SAMMSON: variants seen among roughly 807,000 people sequenced by gnomAD.
SAMMSON encodes the protein survival associated mitochondrial melanoma specific oncogenic non-coding RNA.
intron 4 of SAMMSON, among the ~76,000 whole-genome samples, chr3:70,223,281 T>C (rs1216134046): frequency 6.6e-6 from 1 of 152,102 alleles, no homozygotes; most frequent in Non-Finnish European, 1.5e-5. Context: ...TTAGCCAAGG[T>C]CACACAGTCA....
intron 4 of SAMMSON, among the ~76,000 whole-genome samples, chr3:70,190,947 C>T (rs1468258548): frequency 2.6e-5 from 4 of 152,186 alleles, no homozygotes; most frequent in Non-Finnish European, 5.9e-5. Context: ...TGCCTTCATC[C>T]CTGATTTCAG....
At chr3:70,151,033 T>C (rs1454790505) in intron 4 of SAMMSON, among the ~76,000 whole-genome samples, 1 of 152,022 alleles carries the variant, frequency 6.6e-6, no homozygotes, top group Non-Finnish European at 1.5e-5. Flanking sequence ...TTAAAATATG[T>C]ATTGTTTACA....
At chr3:70,047,106 G>GA (rs1218888626) in intron 3 of SAMMSON, among the ~76,000 whole-genome samples, 10 of 152,086 alleles carry the variant, frequency 6.6e-5, no homozygotes, top group African/African-American at 1.9e-4. Context: ...CTCACAGAAA[G>GA]ATAAAGAATG....
intron 3 of SAMMSON, chr3:70,030,755 G>C (rs920745177): frequency 6.6e-6 from 1 of 152,078 alleles, no homozygotes; most frequent in African/African-American, 2.4e-5. Context: ...TTGTCCATAG[G>C]ATATATACAG....
At chr3:70,066,080 T>C (rs1239920203) in intron 3 of SAMMSON, among the ~76,000 whole-genome samples, 3 of 152,130 alleles carry the variant, frequency 2.0e-5, no homozygotes, top group African/African-American at 4.8e-5. Flanking sequence ...TGGACATCTG[T>C]TGCAGTATTG....
At chr3:70,220,358 G>T (rs1701451641) in intron 4 of SAMMSON, among the ~76,000 whole-genome samples, 1 of 152,040 alleles carries the variant, frequency 6.6e-6, no homozygotes. Flanking sequence ...TTGGCTCCAG[G>T]AGTTTGAAGC....
chr3:70,411,313 A>G (rs1488306372), intron 2 of SAMMSON, among the ~76,000 whole-genome samples: 2 of 152,342 alleles, frequency 1.3e-5, no homozygotes, highest in East Asian at 3.9e-4. Flanking sequence ...TAAGGATTTT[A>G]AATAAGTGAA....
intron 6 of SAMMSON, among the ~76,000 whole-genome samples, chr3:70,254,315 C>A (rs1241394506): frequency 6.6e-6 from 1 of 152,110 alleles, no homozygotes; most frequent in African/African-American, 2.4e-5. Context: ...ATCTCAACCC[C>A]AAACATTCTA....
At chr3:70,070,718 G>C (rs2067226393) in intron 3 of SAMMSON, among the ~76,000 whole-genome samples, 1 of 151,914 alleles carries the variant, frequency 6.6e-6, no homozygotes, top group African/African-American at 2.4e-5. Context: ...GCAGTGATAG[G>C]CTCTTGATTT....
chr3:70,172,257 G>A (rs1195180080), intron 4 of SAMMSON: 1 of 142,322 alleles, frequency 7.0e-6, no homozygotes, highest in African/African-American at 2.6e-5. Context: ...TTGTTATTTT[G>A]TTTCATTAGT....
At chr3:70,317,392 T>C (rs1702502346) in intron 7 of SAMMSON, among the ~76,000 whole-genome samples, 1 of 151,944 alleles carries the variant, frequency 6.6e-6, no homozygotes, top group African/African-American at 2.4e-5. Flanking sequence ...AATAAAGTAT[T>C]TTTAATTAAG....
intron 7 of SAMMSON, among the ~76,000 whole-genome samples, chr3:70,340,852 A>T (rs561271647): frequency 9.2e-5 from 14 of 152,248 alleles, no homozygotes; most frequent in Admixed American, 7.9e-4. Flanking sequence ...TAGTACAACT[A>T]CATCAGCATA....
At chr3:70,293,505 A>G (rs955469799) in intron 7 of SAMMSON, among the ~76,000 whole-genome samples, 14 of 152,044 alleles carry the variant, frequency 9.2e-5, no homozygotes, top group Non-Finnish European at 1.3e-4. Context: ...TACTATTGTG[A>G]TGTTGCCTAT....
chr3:70,132,779 A>C (rs1009488237), intron 4 of SAMMSON, among the ~76,000 whole-genome samples: 5 of 112,308 alleles, frequency 4.5e-5, no homozygotes, highest in Non-Finnish European at 7.6e-5. Flanking sequence ...CTAAAAAAAA[A>C]AAAAAGAAAA....
intron 6 of SAMMSON, among the ~76,000 whole-genome samples, chr3:70,284,421 AAG>A (rs1702120052): frequency 6.6e-6 from 1 of 152,170 alleles, no homozygotes; most frequent in Non-Finnish European, 1.5e-5. Flanking sequence ...CAAAAACAAA[AAG>A]AGAACCTCTC....
chr3:70,224,258 G>A (rs951901666), intron 4 of SAMMSON, among the ~76,000 whole-genome samples: 1 of 152,196 alleles, frequency 6.6e-6, no homozygotes, highest in African/African-American at 2.4e-5. Flanking sequence ...ACATGCACCT[G>A]ACATGTTGCA....
intron 2 of SAMMSON, among the ~76,000 whole-genome samples, chr3:70,430,398 G>A (rs1261441890): frequency 6.6e-6 from 1 of 152,080 alleles, no homozygotes; most frequent in Non-Finnish European, 1.5e-5. Context: ...GTTATGTAAT[G>A]AAAATTATAA....
chr3:70,134,360 T>TG, intron 4 of SAMMSON, among the ~76,000 whole-genome samples: 1 of 136,392 alleles, frequency 7.3e-6, no homozygotes, highest in East Asian at 2.0e-4. Context: ...TTTTTTTAAC[T>TG]TTTTTTTTTT....
intron 1 of SAMMSON, among the ~76,000 whole-genome samples, chr3:70,011,155 C>G (rs1344489141): frequency 6.6e-6 from 1 of 152,012 alleles, no homozygotes; most frequent in Non-Finnish European, 1.5e-5. Context: ...AATAGTTTTA[C>G]ATATTTCTGA....
Sources: allele counts gnomAD v4.1 joint callset (sites outside exome capture counted in the v4.1 genomes callset), GRCh38; gene constraint gnomAD v4.1.1; transcripts MANE v1.5; gene names NCBI Gene and HGNC (gene_info 2026-07-23, HGNC 2026-07-21).